Variants in DCAF6 observed in about 807,000 individuals in gnomAD.
DCAF6 encodes DDB1- and CUL4-associated factor 6.
DCAF6 carries 54 observed loss-of-function variants against 125.1 expected under a neutral mutation model. That is an observed-to-expected ratio of 0.43 (90% confidence interval 0.35 to 0.54). The LOEUF (loss-of-function observed/expected upper bound fraction) is 0.54. Among genes scored for constraint, DCAF6 ranks in the 20% least tolerant of loss-of-function variants. The probability of loss-of-function intolerance (pLI) is 0.01; values close to 1 mark genes in which losing one functional copy is unlikely to be tolerated. For synonymous variants in DCAF6, 371 were observed against 390.4 expected (o/e 0.95, Z 0.58); for missense variants, 934 against 1,161.7 (o/e 0.80, Z 2.85).
At chr1:167,925,709 G>T in the DCAF6 span, among the ~76,000 whole-genome samples, 93 of 151,236 alleles carry the variant, frequency 6.1e-4, no homozygotes, top group African/African-American at 2.2e-3. Flanking sequence ...ACCACACCCG[G>T]CTAATTTTTT....
intron 10 of DCAF6, among the ~76,000 whole-genome samples, chr1:168,011,583 G>A (rs1470416999): frequency 6.6e-6 from 1 of 152,156 alleles, no homozygotes; most frequent in African/African-American, 2.4e-5. Context: ...CCATATCAAA[G>A]CAAACCTTTC....
chr1:168,067,857 C>T (rs1189624720), intron 20 of DCAF6, among the ~76,000 whole-genome samples: 1 of 152,128 alleles, frequency 6.6e-6, no homozygotes, highest in Non-Finnish European at 1.5e-5. Flanking sequence ...TTCAAGTAAT[C>T]CTATTCTTGG....
chr1:168,045,251 G>C (rs762667307), intron 16 of DCAF6, 24 bp downstream of exon 16: 2 of 1,555,332 alleles, frequency 1.3e-6, no homozygotes, highest in Non-Finnish European at 1.7e-6. Flanking sequence ...TAATTAACAT[G>C]AACTGTAAAA....
intron 4 of DCAF6, among the ~76,000 whole-genome samples, chr1:167,979,177 G>A (rs1678712658): frequency 6.6e-6 from 1 of 151,536 alleles, no homozygotes; most frequent in Non-Finnish European, 1.5e-5. Context: ...CCCATATGAA[G>A]TTTTTTGTGT....
chr1:168,053,097 C>T (rs921551067), intron 17 of DCAF6, among the ~76,000 whole-genome samples: 1 of 152,172 alleles, frequency 6.6e-6, no homozygotes, highest in African/African-American at 2.4e-5. Context: ...AAAAGACCTC[C>T]TATCACTATC....
At chr1:167,973,750 C>T (rs1030374083) in intron 3 of DCAF6, among the ~76,000 whole-genome samples, 12 of 147,108 alleles carry the variant, frequency 8.2e-5, no homozygotes, top group African/African-American at 3.2e-4. Flanking sequence ...CAGATATTCC[C>T]CACTCACCTC....
the DCAF6 span, among the ~76,000 whole-genome samples, chr1:167,912,054 T>C: frequency 1.3e-5 from 2 of 152,214 alleles, no homozygotes; most frequent in Admixed American, 6.5e-5. Context: ...TTTGAAGATA[T>C]AGTTTTCTGC....
the DCAF6 span, among the ~76,000 whole-genome samples, chr1:167,904,272 C>T: frequency 2.0e-5 from 3 of 151,850 alleles, no homozygotes; most frequent in African/African-American, 7.3e-5. Context: ...ATTTTTAGTA[C>T]AGATGGGGTT....
intron 5 of DCAF6, among the ~76,000 whole-genome samples, chr1:167,989,204 AAAT>A (rs1680468369): frequency 6.6e-6 from 1 of 152,254 alleles, no homozygotes; most frequent in Non-Finnish European, 1.5e-5. Flanking sequence ...AAATAAGCTT[AAAT>A]ATCACGTTAT....
intron 21 of DCAF6, among the ~76,000 whole-genome samples, chr1:168,072,440 C>G (rs1334273818): frequency 6.6e-6 from 1 of 150,996 alleles, no homozygotes; most frequent in Non-Finnish European, 1.5e-5. Flanking sequence ...AAGTACTTAT[C>G]ACTCTTAAGC....
At chr1:167,868,290 C>G in the DCAF6 span, among the ~76,000 whole-genome samples, 5 of 152,142 alleles carry the variant, frequency 3.3e-5, no homozygotes, top group African/African-American at 1.2e-4. Flanking sequence ...TGCCTACAGA[C>G]CCAGTTCCTG....
chr1:167,938,008 A>G (rs1359330668), intron 1 of DCAF6, among the ~76,000 whole-genome samples: 1 of 152,218 alleles, frequency 6.6e-6, no homozygotes, highest in Non-Finnish European at 1.5e-5. Context: ...ATTACAACCA[A>G]CAGTTCTGGT....
Position 167,936,753 on chromosome 1 carries a change from G to A in DCAF6, c.-159G>A. 1.6e-6 allele frequency: 1 copy of A among 635,982 alleles called. No individual in the cohort carries two copies. Among genetic ancestry groups the A allele is most frequent in the South Asian group, 2.0e-5 (1 of 51,190 alleles). 39.4% of individuals were successfully genotyped at this position (635,982 alleles called of 1,614,324 possible). Reference sequence around the variant, plus strand: ...GCCCGGGTGCGGCCGGGCTTCAGGGGCCCAGGCGCCGCTGCTGCCACCGCC... The same window carrying A: ...GCCCGGGTGCGGCCGGGCTTCAGGGACCCAGGCGCCGCTGCTGCCACCGCC... On this transcript the variant is annotated 5_prime_UTR_variant, in exon 1 of 22. Transcript: ENST00000367840.
the DCAF6 span, chr1:167,904,892 C>T: frequency 1.3e-6 from 2 of 1,517,544 alleles, no homozygotes; most frequent in Non-Finnish European, 1.8e-6. Context: ...AGCCCAAGGG[C>T]TCCAGAATGG....
intron 21 of DCAF6, among the ~76,000 whole-genome samples, chr1:168,074,543 G>A (rs945577986): frequency 6.6e-6 from 1 of 152,060 alleles, no homozygotes; most frequent in African/African-American, 2.4e-5. Context: ...ATAAAAAGAA[G>A]TAACTCCTGC....
chr1:167,936,190 T>C (rs756818996), upstream of DCAF6: 17 of 271,004 alleles, frequency 6.3e-5, no homozygotes, highest in Non-Finnish European at 1.0e-4. Context: ...CTGCCCGCCA[T>C]GATTGGCCCG....
chr1:167,979,412 CTTTCTG>C (rs1217900399), intron 4 of DCAF6, among the ~76,000 whole-genome samples: 3 of 152,262 alleles, frequency 2.0e-5, no homozygotes, highest in African/African-American at 7.2e-5. Flanking sequence ...CATCATTCTA[CTTTCTG>C]TTTCTAAGAA....
At chr1:167,899,617 C>T in the DCAF6 span, 1 of 1,613,926 alleles carries the variant, frequency 6.2e-7, no homozygotes, top group Non-Finnish European at 8.5e-7. Context: ...CTGATGTGGC[C>T]AGCAGCCAGT....
intron 1 of DCAF6, among the ~76,000 whole-genome samples, chr1:167,948,738 G>A (rs1170031038): frequency 2.0e-5 from 3 of 152,130 alleles, no homozygotes; most frequent in South Asian, 2.1e-4. Flanking sequence ...TGCAGCCTCC[G>A]CCTCCCAGGT....
Sources: allele counts gnomAD v4.1 joint callset (sites outside exome capture counted in the v4.1 genomes callset), GRCh38; gene constraint gnomAD v4.1.1; transcripts MANE v1.5; gene names NCBI Gene and HGNC (gene_info 2026-07-23, HGNC 2026-07-21).